Variants in STUM observed in about 807,000 individuals in gnomAD.
STUM encodes stum, mechanosensory transduction mediator homolog, also known as protein stum homolog.
A neutral mutation model predicts 15.3 loss-of-function variants in STUM; 8 were observed. That is an observed-to-expected ratio of 0.52 (90% confidence interval 0.31 to 0.94). The LOEUF is 0.94. Among genes scored for constraint, STUM ranks in the 40% least tolerant of loss-of-function variants. The pLI, the probability that STUM is intolerant of heterozygous loss-of-function variation, is 0.05. For missense variants in STUM, 142 were observed against 204.9 expected (o/e 0.69, Z 1.87); for synonymous variants, 78 against 88.7 (o/e 0.88, Z 0.68).
intron 1 of STUM, among the ~76,000 whole-genome samples, chr1:226,551,263 G>T (rs1399898001): frequency 6.6e-6 from 1 of 152,150 alleles, no homozygotes; most frequent in African/African-American, 2.4e-5. Flanking sequence ...AGCGTCTGGT[G>T]CATAGGAAGC....
chr1:226,572,399 A>G (rs756766896), intron 1 of STUM, among the ~76,000 whole-genome samples: 56 of 152,232 alleles, frequency 3.7e-4, no homozygotes, highest in Non-Finnish European at 5.4e-4. Context: ...CTACAGGGAT[A>G]CTGTCATGAA....
intron 1 of STUM, among the ~76,000 whole-genome samples, chr1:226,557,999 G>A (rs1667475406): frequency 1.3e-5 from 2 of 152,114 alleles, no homozygotes; most frequent in African/African-American, 2.4e-5. Flanking sequence ...ACACAATAAA[G>A]GCCATATATG....
intron 1 of STUM, among the ~76,000 whole-genome samples, chr1:226,574,142 A>G (rs368741015): frequency 6.6e-6 from 1 of 152,262 alleles, no homozygotes; most frequent in South Asian, 2.1e-4. Flanking sequence ...AGCCTACAAT[A>G]TACTTTTAAT....
At chr1:226,593,284 TC>T (rs913133526) in intron 1 of STUM, among the ~76,000 whole-genome samples, 12 of 151,916 alleles carry the variant, frequency 7.9e-5, no homozygotes, top group African/African-American at 2.7e-4. Flanking sequence ...CTGTGAGAGC[TC>T]CGTTTCCTGC....
At chr1:226,550,755 T>C (rs957323838) in intron 1 of STUM, among the ~76,000 whole-genome samples, 3 of 152,190 alleles carry the variant, frequency 2.0e-5, no homozygotes, top group African/African-American at 4.8e-5. Flanking sequence ...TGCCCACGCA[T>C]GTACCTGTGT....
intron 1 of STUM, among the ~76,000 whole-genome samples, chr1:226,560,952 C>T (rs79857891): frequency 1.3e-5 from 2 of 152,232 alleles, no homozygotes; most frequent in East Asian, 3.9e-4. Flanking sequence ...TTTATGTAGG[C>T]CTTTATTTGG....
intron 1 of STUM, among the ~76,000 whole-genome samples, chr1:226,556,000 A>T (rs970800354): frequency 1.4e-4 from 21 of 152,220 alleles, no homozygotes; most frequent in African/African-American, 4.8e-4. Flanking sequence ...CATTATTCAT[A>T]AGATATATTT....
chr1:226,549,156 G>A lies in STUM; in HGVS notation c.202+50G>A. ...TGCGACCCCCACCCCGCCGCGGGAG[G>A]GCGTGGGGGGAGAGAAGGGCGCGGC... On this transcript the variant is annotated intron_variant, in intron 1 of 3. Transcript: ENST00000366788. This position sits in a 1 kb window ranked among gnomAD's most constrained non-coding sequence, Gnocchi z 6.8. The A allele has an allele frequency of 1.3e-6, 2 of 1,498,504 alleles. No homozygotes were observed. The highest frequency in any genetic ancestry group is 2.4e-5 in the South Asian group (2 of 82,410). 92.8% of individuals were successfully genotyped at this position (1,498,504 alleles called of 1,614,324 possible).
intron 1 of STUM, among the ~76,000 whole-genome samples, chr1:226,564,168 T>G (rs906589258): frequency 6.6e-5 from 10 of 152,216 alleles, no homozygotes; most frequent in African/African-American, 2.4e-4. Flanking sequence ...GTGAGCCCAC[T>G]GTGTGGTTTA....
chr1:226,553,946 TA>T (rs2102684796), intron 1 of STUM, among the ~76,000 whole-genome samples: 1 of 152,320 alleles, frequency 6.6e-6, no homozygotes, highest in African/African-American at 2.4e-5. Context: ...TAGATTAAAT[TA>T]TTGTTCCCAA....
At position 226,602,274 on chromosome 1, in the gene STUM, A is replaced by G; in HGVS notation, c.*234A>G. ...GCACTGTGGGCGCAGGCACCAGAGC[A>G]TCAGAGAGTGGGGTGGAGATGAGAA... On this transcript the variant is annotated 3_prime_UTR_variant, in exon 4 of 4. Transcript: ENST00000366788. 2 of 547,830 alleles carry G rather than the reference A, an allele frequency of 3.7e-6. No individual in the cohort carries two copies. Among genetic ancestry groups the G allele is most frequent in the Non-Finnish European group, 6.5e-6 (2 of 306,108 alleles). The allele number at this position is 547,830 out of a possible 1,614,324, so 33.9% of individuals were successfully genotyped here.
chr1:226,579,477 C>T (rs935076162), intron 1 of STUM, among the ~76,000 whole-genome samples: 1 of 152,150 alleles, frequency 6.6e-6, no homozygotes, highest in African/African-American at 2.4e-5. Context: ...ATCAGATAAT[C>T]CCACCCGCAA....
Position 226,567,270 on chromosome 1 carries a change from G to A in STUM, c.202+18164G>A, listed in dbSNP as rs1460185649. On this transcript the variant is annotated intron_variant, in intron 1 of 3. Transcript: ENST00000366788. This position sits in a 1 kb window ranked among gnomAD's most constrained non-coding sequence, Gnocchi z 4.5. Reference sequence around the variant, plus strand: ...ACTGTCCGTCCTGGAGCTATCCAACGGGTGGTGACGGCCCCGCGGGCTCTT... The same window carrying A: ...ACTGTCCGTCCTGGAGCTATCCAACAGGTGGTGACGGCCCCGCGGGCTCTT... Among the ~76,000 whole-genome samples, 1 of 152,152 alleles carries A rather than the reference G, an allele frequency of 6.6e-6. No homozygotes were observed. The highest frequency in any genetic ancestry group is 2.1e-4 in the South Asian group (1 of 4,822).
Position 226,558,607 on chromosome 1 carries a change from G to C in STUM, c.202+9501G>C, listed in dbSNP as rs139292935. On this transcript the variant is annotated intron_variant, in intron 1 of 3. Transcript: ENST00000366788. ...AACCCTGGGCCTGTGCGAGGGATGCGTCTCTGAGGCTAACTTTACAGTTTG... is the reference window on the plus strand; with the variant it reads ...AACCCTGGGCCTGTGCGAGGGATGCCTCTCTGAGGCTAACTTTACAGTTTG... Among the ~76,000 whole-genome samples, 5 of 152,290 alleles carry C rather than the reference G, an allele frequency of 3.3e-5. No homozygotes were observed. In the East Asian group the frequency reaches 9.6e-4, roughly 29 times the overall value.
At chr1:226,568,023 G>A (rs1326034994) in intron 1 of STUM, among the ~76,000 whole-genome samples, 3 of 152,110 alleles carry the variant, frequency 2.0e-5, no homozygotes, top group East Asian at 1.9e-4. Context: ...GTGCGTGCCC[G>A]GGAGCCTGCA....
chr1:226,599,688 G>A (rs945728859), intron 2 of STUM, among the ~76,000 whole-genome samples: 2 of 152,252 alleles, frequency 1.3e-5, no homozygotes, highest in Non-Finnish European at 2.9e-5. Flanking sequence ...GAAGTTGCAA[G>A]CATGTTGCTT....
At position 226,605,242 on chromosome 1, in the gene STUM, G is replaced by A. The variant is rs1384556412; in HGVS notation, c.*3202G>A. 1 of 152,418 alleles carries A rather than the reference G, an allele frequency of 6.6e-6. No homozygotes were observed. The highest frequency in any genetic ancestry group is 1.5e-5 in the Non-Finnish European group (1 of 68,204). 9.4% of individuals were successfully genotyped at this position (152,418 alleles called of 1,614,324 possible). A position where few individuals can be genotyped will look rare whatever the true frequency, so the allele number is the denominator to read the frequency against. The stretch of plus-strand genomic sequence containing the variant: ...CCAGCCCCAAGAGCAGCCTCACCCA[G>A]GCACAGTGCAGGGCATTTTAGCTCC... On this transcript the variant is annotated 3_prime_UTR_variant, in exon 4 of 4. Transcript: ENST00000366788. This position sits in a 1 kb window ranked among gnomAD's most constrained non-coding sequence, Gnocchi z 4.0.
intron 1 of STUM, among the ~76,000 whole-genome samples, chr1:226,596,458 A>G (rs1407061904): frequency 1.3e-5 from 2 of 152,228 alleles, no homozygotes; most frequent in East Asian, 1.9e-4. Context: ...GCCTTTTCCA[A>G]CTGCCTGTTG....
intron 1 of STUM, among the ~76,000 whole-genome samples, chr1:226,564,736 G>A (rs573445788): frequency 1.3e-5 from 2 of 152,184 alleles, no homozygotes; most frequent in South Asian, 4.1e-4. Flanking sequence ...GTGATAATGA[G>A]CTGGGAAACG....
Sources: allele counts gnomAD v4.1 joint callset (sites outside exome capture counted in the v4.1 genomes callset), GRCh38; gene constraint gnomAD v4.1.1; non-coding constraint Gnocchi (gnomAD v3.1); transcripts MANE v1.5; gene names NCBI Gene and HGNC (gene_info 2026-07-23, HGNC 2026-07-21).